Variants in CLSPN observed in about 807,000 individuals in gnomAD.
The protein encoded by CLSPN is claspin homolog.
In CLSPN, 85 loss-of-function variants were observed where a neutral mutation model predicts 156.3. The observed-to-expected ratio is 0.54, with a 90% CI of 0.46 to 0.65. The LOEUF is 0.65. CLSPN is among the 30% of genes least tolerant of loss of function. CLSPN has a pLI of 0.00. For missense variants in CLSPN, 1,407 were observed against 1,554.9 expected (o/e 0.90, Z 1.60); for synonymous variants, 534 against 542.4 (o/e 0.98, Z 0.22).
chr1:35,736,446 A>C lies in CLSPN; in HGVS notation c.*50T>G. 6.6e-7 allele frequency: 1 copy of C among 1,520,226 alleles called. No homozygotes were observed. The highest frequency in any genetic ancestry group is 8.8e-7 in the Non-Finnish European group (1 of 1,134,634). 94.2% of individuals were successfully genotyped at this position (1,520,226 alleles called of 1,614,324 possible). A position where few individuals can be genotyped will look rare whatever the true frequency, so the allele number is the denominator to read the frequency against. On this transcript the variant is annotated 3_prime_UTR_variant, in exon 25 of 25. Coordinates refer to ENST00000318121, the MANE Select transcript of CLSPN (RefSeq NM_022111.4). ...AGTGTCAATTCCAACTTTCAGTGCT[A>C]GAAACTTCTCAAAGCAGTCTCAATG...
In CLSPN at chr1:35,751,376, TTCCTCC is replaced by T; in HGVS notation, c.1896_1901del (p.Glu636_Glu637del). 1 of 1,611,578 alleles carries T rather than the reference TTCCTCC, an allele frequency of 6.2e-7. No homozygotes were observed. The highest frequency in any genetic ancestry group is 1.1e-5 in the South Asian group (1 of 91,036). On this transcript the variant is annotated inframe_deletion, in exon 10 of 25. Transcript: ENST00000318121. ...CAGACTCATCTGTCATTTCTTCCTCTTCCTCCTCCTCTTCCTCAAACCCATCTTCAT... is the reference window on the plus strand; with the variant it reads ...CAGACTCATCTGTCATTTCTTCCTCTTCCTCTTCCTCAAACCCATCTTCAT...
chr1:35,769,484 A>G (rs1248196215), intron 1 of CLSPN, among the ~76,000 whole-genome samples: 1 of 152,174 alleles, frequency 6.6e-6, no homozygotes, highest in Non-Finnish European at 1.5e-5. Flanking sequence ...GTTCGGCTAG[A>G]GCCTCCCGGC....
intron 8 of CLSPN, among the ~76,000 whole-genome samples, 173 bp from the exon 9 acceptor site, chr1:35,754,109 C>G (rs1275163586): frequency 6.6e-6 from 1 of 152,110 alleles, no homozygotes; most frequent in African/African-American, 2.4e-5. Context: ...CAACTTAACC[C>G]AAACTAATTG....
downstream of CLSPN, among the ~76,000 whole-genome samples, chr1:35,731,472 G>A (rs1307227138): frequency 6.6e-6 from 1 of 152,160 alleles, no homozygotes; most frequent in Non-Finnish European, 1.5e-5. Flanking sequence ...GAGTGCAGCG[G>A]AAGACATTAA....
intron 24 of CLSPN, 93 bp from the exon 25 acceptor site, chr1:35,736,699 G>T (rs1260134905): frequency 6.7e-7 from 1 of 1,483,256 alleles, no homozygotes; most frequent in East Asian, 2.3e-5. Flanking sequence ...AATTGTGGAT[G>T]ATTAACAACA....
downstream of CLSPN, among the ~76,000 whole-genome samples, chr1:35,728,615 A>C (rs111436839): frequency 7.0e-4 from 107 of 152,254 alleles, no homozygotes; most frequent in African/African-American, 2.5e-3. Flanking sequence ...GACAAGAAGC[A>C]CAGGTTTCTG....
intron 20 of CLSPN, 73 bp downstream of exon 20, chr1:35,739,063 T>C: frequency 1.9e-6 from 3 of 1,549,210 alleles, no homozygotes; most frequent in Non-Finnish European, 2.7e-6. Flanking sequence ...CCTCCCAAAG[T>C]GTTGGGATTA....
intron 13 of CLSPN, 117 bp downstream of exon 13, chr1:35,748,288 C>T (rs568318192): frequency 4.7e-6 from 5 of 1,053,624 alleles, no homozygotes; most frequent in African/African-American, 1.6e-5. Flanking sequence ...ATTTTTTAAA[C>T]TGAACACACA....
chr1:35,722,107 C>G (rs1428712413), intron 24 of CLSPN, among the ~76,000 whole-genome samples: 1 of 151,318 alleles, frequency 6.6e-6, no homozygotes, highest in Non-Finnish European at 1.5e-5. Context: ...CCACTGCACT[C>G]CAGCCTGGGC....
At chr1:35,766,733 C>T (rs1642689459) in intron 1 of CLSPN, among the ~76,000 whole-genome samples, 1 of 151,942 alleles carries the variant, frequency 6.6e-6, no homozygotes, top group Admixed American at 6.6e-5. Flanking sequence ...CGTGAGCCAC[C>T]ACGCCCGGCT....
chr1:35,744,707 T>C (rs1016765185), intron 16 of CLSPN, among the ~76,000 whole-genome samples: 4 of 152,256 alleles, frequency 2.6e-5, no homozygotes, highest in Non-Finnish European at 5.9e-5. Context: ...TTACTGTGAA[T>C]AATGCTGCTT....
chr1:35,723,915 T>A (rs752468053), intron 24 of CLSPN, among the ~76,000 whole-genome samples: 1 of 152,068 alleles, frequency 6.6e-6, no homozygotes, highest in African/African-American at 2.4e-5. Context: ...TGCTTGAACT[T>A]GGGAGGCAGA....
At chr1:35,763,425 A>G (rs1026842551) in intron 3 of CLSPN, 104 bp from the exon 4 acceptor site, 53 of 746,502 alleles carry the variant, frequency 7.1e-5, no homozygotes, top group Middle Eastern at 4.2e-4. Flanking sequence ...CCCATGTTTC[A>G]TCAACAGACA....
chr1:35,731,191 C>A (rs1641307718), downstream of CLSPN, among the ~76,000 whole-genome samples: 1 of 144,960 alleles, frequency 6.9e-6, no homozygotes, highest in African/African-American at 2.6e-5. Flanking sequence ...CAGGGCGAGA[C>A]TCTGTCTCAA....
At chr1:35,753,633 G>A (rs1028941465) in intron 9 of CLSPN, 112 bp downstream of exon 9, 1 of 1,004,654 alleles carries the variant, frequency 1.0e-6, no homozygotes, top group Admixed American at 2.4e-5. Flanking sequence ...GCTCTGCAAA[G>A]CCTCCAAGGA....
chr1:35,769,871 G>A lies in CLSPN; in HGVS notation c.-1C>T. ...CCTCAGAACCCACCTCGCCTGTCAT[G>A]ACTTCTGCCTCCCCTGCGCTCCACT... On this transcript the variant is annotated 5_prime_UTR_variant, in exon 1 of 25. Transcript: ENST00000318121. 4 of 1,609,788 alleles carry A rather than the reference G, an allele frequency of 2.5e-6. No homozygotes were observed. The highest frequency in any genetic ancestry group is 3.4e-6 in the Non-Finnish European group (4 of 1,178,022).
chr1:35,747,268 G>A (rs1028809669), intron 14 of CLSPN, among the ~76,000 whole-genome samples: 2 of 152,048 alleles, frequency 1.3e-5, no homozygotes, highest in African/African-American at 4.8e-5. Flanking sequence ...CTTGCAGTGA[G>A]CCGAGATCGC....
At chr1:35,745,373 A>T in intron 16 of CLSPN, 78 bp downstream of exon 16, 1 of 973,668 alleles carries the variant, frequency 1.0e-6, no homozygotes, top group Non-Finnish European at 1.6e-6. Flanking sequence ...AAAAGGTGCA[A>T]AGCCCTTAAG....
rs1361682102 is a variant in CLSPN, at chr1:35,737,067, T to C, written c.3756A>G (p.Thr1252=). The change falls in exon 24 of 25, where the codon ACA becomes ACG. Residue 1252 remains threonine, a synonymous_variant. Transcript: ENST00000318121. ...IRPGSAQQVK[T]GSLLNQPKAV... is the part of the protein sequence containing the mutation. ...CTTTGGGCTGGTTTAGCAGTGAGCC[T>C]GTCTTCACCTGAGGAAAGAAGAGTC... is the stretch of plus-strand genomic sequence containing the variant. 1 of 1,613,432 alleles carries C rather than the reference T, an allele frequency of 6.2e-7. No individual in the cohort carries two copies. The highest frequency in any genetic ancestry group is 8.5e-7 in the Non-Finnish European group (1 of 1,179,766).
Sources: allele counts gnomAD v4.1 joint callset (sites outside exome capture counted in the v4.1 genomes callset), GRCh38; gene constraint gnomAD v4.1.1; transcripts MANE v1.5; gene names NCBI Gene and HGNC (gene_info 2026-07-23, HGNC 2026-07-21).